Variants in NUMA1 observed in about 807,000 individuals in gnomAD.
NUMA1 encodes the protein SP-H antigen.
NUMA1 carries 62 observed loss-of-function variants against 237.1 expected under a neutral mutation model. The ratio of observed to expected loss-of-function variants is 0.26; its 90% CI spans 0.21 to 0.32. NUMA1 has a LOEUF of 0.32. Among genes scored for constraint, NUMA1 ranks in the 10% least tolerant of loss-of-function variants. The pLI is 1.00. For synonymous variants in NUMA1, 1,028 were observed against 1,066.1 expected (o/e 0.96, Z 0.70); for missense variants, 2,533 against 2,666.5 (o/e 0.95, Z 1.10).
chr11:72,060,627 A>AGT (rs755310770), intron 2 of NUMA1, among the ~76,000 whole-genome samples: 2 of 152,118 alleles, frequency 1.3e-5, no homozygotes, highest in Non-Finnish European at 2.9e-5. Flanking sequence ...TGGAAGACAG[A>AGT]GTGAGACTCC....
At chr11:72,052,147 C>T (rs1942397026) in intron 2 of NUMA1, among the ~76,000 whole-genome samples, 2 of 152,140 alleles carry the variant, frequency 1.3e-5, no homozygotes, top group Non-Finnish European at 2.9e-5. Flanking sequence ...AGAGACAATG[C>T]TCTTAGCATA....
At chr11:72,056,424 C>T (rs1156353027) in intron 2 of NUMA1, among the ~76,000 whole-genome samples, 3 of 150,258 alleles carry the variant, frequency 2.0e-5, no homozygotes, top group Admixed American at 6.6e-5. Flanking sequence ...CAGTTTCAAG[C>T]GATTCTCCTG....
rs1295413601 is a variant in NUMA1 at position 72,018,858 on chromosome 11, T to C, written c.707A>G (p.Glu236Gly). Residue 236 changes from glutamate to glycine, a missense_variant, in exon 10 of 27, where the codon GAG (glutamate) becomes GGG (glycine). Around this residue, in one of 3 missense-constraint regions of NUMA1, gnomAD observed 1,414 missense variants for 1,508.1 expected, o/e 0.94. Coordinates refer to ENST00000393695, the MANE Select transcript of NUMA1 (RefSeq NM_006185.4). Reference protein sequence around the residue: ...ERSNRDELELELAENRKLLTE... With the variant: ...ERSNRDELELGLAENRKLLTE... Reference sequence around the variant, plus strand: ...GAGGAGCTTGCGGTTCTCAGCTAGCTCCAGCTCCAGCTCATCCCTATTACT... The same window carrying C: ...GAGGAGCTTGCGGTTCTCAGCTAGCCCCAGCTCCAGCTCATCCCTATTACT... The C allele has an allele frequency of 1.2e-6, 2 of 1,612,882 alleles. No individual in the cohort carries two copies. Among genetic ancestry groups the C allele is most frequent in the Non-Finnish European group, 1.7e-6 (2 of 1,179,934 alleles).
At chr11:72,056,635 T>TAAAAAAAAAA (rs59248999) in intron 2 of NUMA1, among the ~76,000 whole-genome samples, 1,128 of 75,716 alleles carry the variant, frequency 0.015, 76 homozygotes, top group Non-Finnish European at 0.02. Flanking sequence ...CCCATCTCTT[T>TAAAAAAAAAA]AAAAAAAAAA....
Position 72,021,415 on chromosome 11 carries a change from C to A in NUMA1, c.373-124G>T, listed in dbSNP as rs1157813986. On this transcript the variant is annotated intron_variant, in intron 7 of 26. Coordinates refer to ENST00000393695, the MANE Select transcript of NUMA1 (RefSeq NM_006185.4). ...TCATGCCCTAGGAGCCTGCTGGATC[C>A]CATTCTCCCTCTCAGAGCTGAGGTC... is the stretch of plus-strand genomic sequence containing the variant. 1.8e-5 allele frequency: 14 copies of A among 789,702 alleles called. No individual in the cohort carries two copies. The Middle Eastern group carries it at 1.1e-3, about 60-fold the overall frequency. The allele number at this position is 789,702 out of a possible 1,614,324, so 48.9% of individuals were successfully genotyped here.
Position 72,003,500 on chromosome 11 carries a change from G to A in NUMA1, c.*27C>T, listed in dbSNP as rs375109629. ...GGTGAGGTCAGCATCGGGGACACAG[G>A]TGGGGCCACTCACTGGTACTGGCCC... On this transcript the variant is annotated 3_prime_UTR_variant, in exon 27 of 27. Coordinates refer to ENST00000393695, the MANE Select transcript of NUMA1 (RefSeq NM_006185.4). 3.2e-5 allele frequency: 52 copies of A among 1,611,550 alleles called. 1 individual carries two copies. The African/African-American group carries it at 5.6e-4, about 17-fold the overall frequency.
Position 72,015,124 on chromosome 11 carries a change from C to G in NUMA1, c.2379G>C (p.Met793Ile). The part of the protein sequence containing the change: ...EVLRRELAEA[M>I]AAQHTAESEC... ...CACTCTCAGCTGTGTGCTGGGCAGC[C>G]ATGGCCTCTGCCAGCTCCCGCCGCA... The change falls in exon 15 of 27, where the codon ATG becomes ATC. Residue 793 changes from methionine to isoleucine, a missense_variant. Physicochemically the swap from Met to Ile is conservative, Grantham distance 10. Coordinates refer to ENST00000393695, the MANE Select transcript of NUMA1 (RefSeq NM_006185.4). This position sits in a 1 kb window ranked among gnomAD's most constrained non-coding sequence, Gnocchi z 4.0. The G allele has an allele frequency of 6.2e-7, 1 of 1,613,572 alleles. No homozygotes were observed. Among genetic ancestry groups the G allele is most frequent in the Non-Finnish European group, 8.5e-7 (1 of 1,180,038 alleles).
chr11:72,032,804 A>C (rs1157081517), intron 3 of NUMA1, among the ~76,000 whole-genome samples: 4 of 152,240 alleles, frequency 2.6e-5, no homozygotes, highest in Non-Finnish European at 5.9e-5. Flanking sequence ...TTCATTATTA[A>C]CTGCTGTTTA....
intron 2 of NUMA1, among the ~76,000 whole-genome samples, chr11:72,038,146 T>C (rs1180755898): frequency 6.6e-6 from 1 of 152,204 alleles, no homozygotes; most frequent in Admixed American, 6.5e-5. Flanking sequence ...GTCCTTTTGA[T>C]GAGGCCCAAC....
intron 2 of NUMA1, chr11:72,065,190 A>T (rs1943145260): frequency 6.6e-6 from 1 of 152,234 alleles, no homozygotes; most frequent in Non-Finnish European, 1.5e-5. Flanking sequence ...AAACGTAGAC[A>T]AAAACTTATG....
chr11:72,071,796 A>G (rs1352347530), intron 1 of NUMA1, among the ~76,000 whole-genome samples: 1 of 152,262 alleles, frequency 6.6e-6, no homozygotes, highest in African/African-American at 2.4e-5. Context: ...CAAAATGTTA[A>G]TAGTGACTCT....
chr11:72,065,275 G>C (rs554194390), intron 2 of NUMA1: 1 of 152,068 alleles, frequency 6.6e-6, no homozygotes, highest in South Asian at 2.1e-4. Context: ...CAGAATTAGG[G>C]TAAAGACTTA....
chr11:72,035,135 G>T (rs1466756342), intron 3 of NUMA1, among the ~76,000 whole-genome samples: 1 of 152,152 alleles, frequency 6.6e-6, no homozygotes, highest in East Asian at 1.9e-4. Context: ...GGGATTACAG[G>T]TGTGAGCCAC....
At chr11:72,017,493 T>G in intron 13 of NUMA1, 194 bp downstream of exon 13, 1 of 521,988 alleles carries the variant, frequency 1.9e-6, no homozygotes, top group Non-Finnish European at 3.3e-6. Context: ...GGGCATTGAC[T>G]GGGGAAAAAA....
chr11:72,004,427 A>G, intron 24 of NUMA1, 86 bp from the exon 25 acceptor site: 2 of 1,325,144 alleles, frequency 1.5e-6, no homozygotes, highest in Non-Finnish European at 2.1e-6. Flanking sequence ...AGCTGAGTGG[A>G]CCTTGTAAGT....
At chr11:72,049,632 A>G (rs1355134243) in intron 2 of NUMA1, 1 of 130,830 alleles carries the variant, frequency 7.6e-6, no homozygotes, top group African/African-American at 2.8e-5. Flanking sequence ...TCATCTATCT[A>G]TAGATAGATA....
At chr11:72,005,503 C>T (rs1955624823) in intron 22 of NUMA1, 134 bp from the exon 23 acceptor site, 8 of 792,242 alleles carry the variant, frequency 1.0e-5, no homozygotes, top group Admixed American at 2.6e-5. Flanking sequence ...GATTCAGTGC[C>T]GCAGGTGCAG....
At chr11:72,018,707 C>A in intron 10 of NUMA1, 116 bp downstream of exon 10, 4 of 1,326,706 alleles carry the variant, frequency 3.0e-6, no homozygotes, top group Non-Finnish European at 4.1e-6. Context: ...AGCCTGACCA[C>A]AGGCCCAGGG....
At chr11:72,003,706 A>G in intron 26 of NUMA1, 168 bp from the exon 27 acceptor site, 1 of 1,015,792 alleles carries the variant, frequency 9.8e-7, no homozygotes, top group Admixed American at 2.1e-5. Flanking sequence ...GGTGCTCTCC[A>G]TGAGAATGGG....
Sources: gnomAD v4.1 joint callset for allele counts (sites outside exome capture counted in the v4.1 genomes callset) on GRCh38, gnomAD v4.1.1 for gene constraint, gnomAD v4.1.1 regional missense constraint, Gnocchi (gnomAD v3.1) non-coding constraint, MANE v1.5 for transcripts, NCBI Gene and HGNC (gene_info 2026-07-23, HGNC 2026-07-21) for gene names.